The following UXS1 variants were observed in gnomAD, a reference collection of about 807,000 sequenced individuals.
UXS1 encodes the protein UDP-glucuronate decarboxylase 1.
A neutral mutation model predicts 62.6 loss-of-function variants in UXS1; 33 were observed. That is an observed-to-expected ratio of 0.53 (90% confidence interval 0.40 to 0.70). The LOEUF (loss-of-function observed/expected upper bound fraction) is 0.70, where lower values mean the gene tolerates loss of function less well. Among genes scored for constraint, UXS1 ranks in the 30% least tolerant of loss-of-function variants. The pLI, the probability that UXS1 is intolerant of heterozygous loss-of-function variation, is 0.00. For synonymous variants in UXS1, 213 were observed against 206.8 expected (o/e 1.03, Z -0.26); for missense variants, 434 against 556.3 (o/e 0.78, Z 2.21).
intron 13 of UXS1, among the ~76,000 whole-genome samples, chr2:106,098,305 G>C (rs147183848): frequency 1.3e-5 from 2 of 152,348 alleles, no homozygotes; most frequent in African/African-American, 4.8e-5. Context: ...GTGGCAGCCA[G>C]GATAACCAGA....
chr2:106,186,475 C>CACAT lies in UXS1; in HGVS notation c.94+7672_94+7673insATGT, dbSNP rs1268815752. 1.1e-4 allele frequency among the ~76,000 whole-genome samples: 17 copies of CACAT among 151,306 alleles called. No individual in the cohort carries two copies. The East Asian group carries it at 2.7e-3, about 24-fold the overall frequency. On this transcript the variant is annotated intron_variant, in intron 1 of 14. Transcript: ENST00000283148. ...ATATATATACACACACACACACACA[C>CACAT]ATATACATGAATATACGTAAATATG...
In UXS1 at chr2:106,129,664, G is replaced by A; in HGVS notation, c.577+10C>T. 6.3e-7 allele frequency: 1 copy of A among 1,596,442 alleles called. No individual in the cohort carries two copies. The highest frequency in any genetic ancestry group is 8.6e-7 in the Non-Finnish European group (1 of 1,167,700). On this transcript the variant is annotated intron_variant, in intron 7 of 14. Coordinates refer to ENST00000283148, the MANE Select transcript of UXS1 (RefSeq NM_001253875.2). ...GCAACAGCCAAAAAAACAAGAAAAT[G>A]ACAACTTACCCAACATGTTTAATGT...
chr2:106,183,749 A>G (rs1684391204), intron 1 of UXS1: 1 of 152,228 alleles, frequency 6.6e-6, no homozygotes, highest in African/African-American at 2.4e-5. Flanking sequence ...CTTTAGAGAA[A>G]TCCCTTCAAT....
intron 8 of UXS1, among the ~76,000 whole-genome samples, chr2:106,125,167 T>G (rs907521784): frequency 6.6e-6 from 1 of 152,224 alleles, no homozygotes; most frequent in Non-Finnish European, 1.5e-5. Flanking sequence ...CTTCCAGAAC[T>G]CGTTATACAA....
chr2:106,100,348 C>G (rs1469065004), intron 12 of UXS1, among the ~76,000 whole-genome samples: 1 of 152,140 alleles, frequency 6.6e-6, no homozygotes, highest in Non-Finnish European at 1.5e-5. Context: ...GGGGTAGGAC[C>G]ATCTCCTTCA....
At chr2:106,160,661 G>A (rs1402448318) in intron 4 of UXS1, 1 of 152,160 alleles carries the variant, frequency 6.6e-6, no homozygotes, top group Non-Finnish European at 1.5e-5. Context: ...GAAATGTGGT[G>A]TGCTACTTAT....
chr2:106,096,377 C>T (rs1326858360), intron 14 of UXS1, among the ~76,000 whole-genome samples: 1 of 152,050 alleles, frequency 6.6e-6, no homozygotes, highest in Non-Finnish European at 1.5e-5. Flanking sequence ...GTATATATGA[C>T]AGTGTGAGTG....
intron 1 of UXS1, among the ~76,000 whole-genome samples, chr2:106,193,279 C>A (rs1408321698): frequency 2.0e-5 from 3 of 152,130 alleles, no homozygotes; most frequent in Non-Finnish European, 4.4e-5. Context: ...AGCATTCAAA[C>A]GCAGCTCACA....
intron 10 of UXS1, among the ~76,000 whole-genome samples, chr2:106,110,301 C>T (rs183748729): frequency 2.6e-5 from 4 of 152,248 alleles, no homozygotes; most frequent in East Asian, 3.9e-4. Context: ...AAAGCTTGCT[C>T]GGTGTGAAGA....
intron 11 of UXS1, chr2:106,101,426 CAATT>C: frequency 3.4e-6 from 1 of 290,966 alleles, no homozygotes; most frequent in South Asian, 8.2e-5. Context: ...AGTCCTTTAA[CAATT>C]AAAAACTAAG....
At chr2:106,108,471 T>C (rs147977379) in intron 10 of UXS1, among the ~76,000 whole-genome samples, 120 of 152,284 alleles carry the variant, frequency 7.9e-4, no homozygotes, top group Admixed American at 2.5e-3. Flanking sequence ...AAATTGAGTG[T>C]GCAGCAAAAT....
chr2:106,171,828 T>C (rs928734585), intron 1 of UXS1, among the ~76,000 whole-genome samples: 1 of 152,254 alleles, frequency 6.6e-6, no homozygotes, highest in Non-Finnish European at 1.5e-5. Context: ...ACTTTTACAC[T>C]AAGTCACAGG....
chr2:106,101,053 C>T lies in UXS1; in HGVS notation c.984+5G>A. 6.2e-7 allele frequency: 1 copy of T among 1,613,908 alleles called. No homozygotes were observed. The highest frequency in any genetic ancestry group is 8.5e-7 in the Non-Finnish European group (1 of 1,179,882). Reference sequence around the variant, plus strand: ...CCTGCAGAGTGGAGGGAGAGGAGCACTCACCAGGTTGACCGGGCTGCTGAC... The same window carrying T: ...CCTGCAGAGTGGAGGGAGAGGAGCATTCACCAGGTTGACCGGGCTGCTGAC... On this transcript the variant is annotated splice_donor_5th_base_variant and intron_variant, in intron 12 of 14. Transcript: ENST00000283148.
At chr2:106,176,888 G>C (rs1683915590) in intron 1 of UXS1, among the ~76,000 whole-genome samples, 1 of 152,236 alleles carries the variant, frequency 6.6e-6, no homozygotes, top group Non-Finnish European at 1.5e-5. Flanking sequence ...GCAGGCAAAA[G>C]AGCAGCTCTC....
At chr2:106,178,507 T>A (rs1290716949) in intron 1 of UXS1, among the ~76,000 whole-genome samples, 1 of 97,846 alleles carries the variant, frequency 1.0e-5, no homozygotes, top group African/African-American at 3.9e-5. Flanking sequence ...TGTGTATGTA[T>A]ACATATACAA....
intron 1 of UXS1, among the ~76,000 whole-genome samples, chr2:106,188,171 G>A (rs964422611): frequency 6.6e-6 from 1 of 151,970 alleles, no homozygotes; most frequent in Non-Finnish European, 1.5e-5. Flanking sequence ...TTTCCTCCCT[G>A]CCCCTCTCTC....
intron 12 of UXS1, 118 bp downstream of exon 12, chr2:106,100,940 A>C: frequency 1.6e-6 from 2 of 1,283,056 alleles, no homozygotes; most frequent in South Asian, 2.5e-5. Context: ...GCAAGCAACA[A>C]ACACAAATGT....
chr2:106,168,229 A>C (rs1008072448), intron 1 of UXS1, among the ~76,000 whole-genome samples: 12 of 152,206 alleles, frequency 7.9e-5, no homozygotes, highest in Admixed American at 1.3e-4. Context: ...GAAGCTGACT[A>C]AAACCCACCA....
chr2:106,145,152 G>A (rs185948894), intron 6 of UXS1, 38 bp downstream of exon 6: 637 of 1,591,360 alleles, frequency 4.0e-4, no homozygotes, highest in Middle Eastern at 1.7e-3. Context: ...GGCCACCTGC[G>A]GAGCTCTGAA....
Sources: allele counts gnomAD v4.1 joint callset (sites outside exome capture counted in the v4.1 genomes callset), GRCh38; gene constraint gnomAD v4.1.1; transcripts MANE v1.5; gene names NCBI Gene and HGNC (gene_info 2026-07-23, HGNC 2026-07-21).